Variants in EHMT1 observed in about 807,000 individuals in gnomAD.
The protein encoded by EHMT1 is euchromatic histone lysine methyltransferase 1, also known as histone-lysine N-methyltransferase EHMT1.
EHMT1 carries 15 observed loss-of-function variants against 147.2 expected under a neutral mutation model. The observed-to-expected ratio is 0.10, with a 90% confidence interval of 0.07 to 0.16. The LOEUF (loss-of-function observed/expected upper bound fraction) is 0.16, where lower values mean the gene tolerates loss of function less well. Among genes scored for constraint, EHMT1 ranks in the 10% least tolerant of loss-of-function variants. The probability of loss-of-function intolerance (pLI) is 1.00; values close to 1 mark genes in which losing one functional copy is unlikely to be tolerated. For synonymous variants in EHMT1, 795 were observed against 709.6 expected, an observed-to-expected ratio of 1.12 and a Z score of -1.91; for missense variants, 1,587 against 1,772.4, an observed-to-expected ratio of 0.90 and a Z score of 1.88.
chr9:137,709,232 G>C (rs779000022), intron 1 of EHMT1, among the ~76,000 whole-genome samples: 1 of 152,146 alleles, frequency 6.6e-6, no homozygotes, highest in African/African-American at 2.4e-5. Flanking sequence ...GAGAGCTCCT[G>C]TTGGGGGGTA....
intron 5 of EHMT1, 53 bp downstream of exon 5, chr9:137,743,581 T>G (rs1444096195): frequency 1.9e-6 from 3 of 1,612,650 alleles, no homozygotes; most frequent in Non-Finnish European, 2.5e-6. Flanking sequence ...TGCGTTTCTG[T>G]GTTCAGGGCC....
chr9:137,788,452 C>T (rs149063731), intron 15 of EHMT1: 3 of 185,228 alleles, frequency 1.6e-5, no homozygotes, highest in Non-Finnish European at 2.2e-5. Flanking sequence ...AGGTTGCAGG[C>T]GTACGGAGGT....
At chr9:137,668,962 C>T (rs1434553764) in intron 1 of EHMT1, among the ~76,000 whole-genome samples, 2 of 152,188 alleles carry the variant, frequency 1.3e-5, no homozygotes, top group South Asian at 2.1e-4. Context: ...TCTCAGCTCA[C>T]TGCAAGCTCC....
At chr9:137,796,703 C>CAAAAAAAAAAAAAAA (rs11449759) in intron 16 of EHMT1, among the ~76,000 whole-genome samples, 21 of 85,792 alleles carry the variant, frequency 2.4e-4, no homozygotes, top group Admixed American at 3.4e-4. Context: ...GACTCCATCT[C>CAAAAAAAAAAAAAAA]AAAAAAAAAA....
chr9:137,739,355 CAAAA>C (rs58376791), intron 4 of EHMT1, among the ~76,000 whole-genome samples: 2 of 94,510 alleles, frequency 2.1e-5, no homozygotes, highest in East Asian at 3.6e-4. Flanking sequence ...GACTCAGTCT[CAAAA>C]AAAAAAAAAA....
At chr9:137,681,851 G>C (rs1941972251) in intron 1 of EHMT1, among the ~76,000 whole-genome samples, 1 of 152,176 alleles carries the variant, frequency 6.6e-6, no homozygotes, top group Admixed American at 6.5e-5. Context: ...TCATTCCCTG[G>C]AAAGTTTGCA....
chr9:137,826,357 G>C (rs72766967), intron 25 of EHMT1, among the ~76,000 whole-genome samples: 7,365 of 152,274 alleles, frequency 0.048, 227 homozygotes, highest in South Asian at 0.13. Context: ...CCTGCTTGAA[G>C]AAGATGCACT....
intron 6 of EHMT1, chr9:137,746,012 T>G (rs1263542211): frequency 6.5e-6 from 1 of 154,642 alleles, no homozygotes; most frequent in Non-Finnish European, 1.4e-5. Context: ...GGATTTTGCA[T>G]CTTTTGAATG....
intron 4 of EHMT1, chr9:137,743,144 A>C: frequency 1.9e-6 from 1 of 530,974 alleles, no homozygotes; most frequent in Non-Finnish European, 3.3e-6. Flanking sequence ...TGAATGGAAC[A>C]GATGAACAGA....
intron 1 of EHMT1, 28 bp downstream of exon 1, chr9:137,619,077 CGCGGGGGCG>C: frequency 1.3e-6 from 1 of 797,082 alleles, no homozygotes; most frequent in South Asian, 5.4e-5. Context: ...CGGGGGGCGG[CGCGGGGGCG>C]GCGGGCAGCG....
Position 137,813,442 on chromosome 9 carries a change from G to A in EHMT1, c.3092G>A (p.Ser1031Asn). The A allele has an allele frequency of 6.2e-7, 1 of 1,613,870 alleles. No individual in the cohort carries two copies. Among genetic ancestry groups the A allele is most frequent in the Middle Eastern group, 1.6e-4 (1 of 6,062 alleles). ...ATCCCCTGTGTCAACGCCGTGGACA[G>A]CGAGCCATGCCCCAGCAACTACAAG... ...IPIPCVNAVD[S>N]EPCPSNYKYV... Residue 1031 changes from serine (S) to asparagine (N), a missense_variant, in exon 21 of 27, where the codon AGC becomes AAC. By Grantham distance (46) the Ser-to-Asn change is conservative. Coordinates refer to ENST00000460843, the MANE Select transcript of EHMT1 (RefSeq NM_024757.5). This position sits in a 1 kb window ranked among gnomAD's most constrained non-coding sequence, Gnocchi z 4.9.
At chr9:137,802,529 T>C (rs1022732812) in intron 18 of EHMT1, 3 of 398,510 alleles carry the variant, frequency 7.5e-6, no homozygotes, top group Non-Finnish European at 1.3e-5. Flanking sequence ...AAATCTCCAA[T>C]GTGCTGAAGT....
intron 1 of EHMT1, among the ~76,000 whole-genome samples, chr9:137,670,435 C>T (rs1049860801): frequency 2.6e-5 from 4 of 152,126 alleles, no homozygotes; most frequent in African/African-American, 9.7e-5. Context: ...CCTTGCTATC[C>T]TGCCCCCTCC....
intron 1 of EHMT1, chr9:137,641,416 T>G (rs1844474891): frequency 1.9e-6 from 1 of 535,642 alleles, no homozygotes; most frequent in East Asian, 5.0e-5. Flanking sequence ...TCAAATTCTG[T>G]CACTTCAGCA....
chr9:137,797,517 T>G (rs1453879827), intron 16 of EHMT1, among the ~76,000 whole-genome samples: 1 of 152,222 alleles, frequency 6.6e-6, no homozygotes, highest in Non-Finnish European at 1.5e-5. Flanking sequence ...TGTGACAGTC[T>G]GCCAGCAGTT....
chr9:137,762,488 C>T (rs939068769), intron 9 of EHMT1, among the ~76,000 whole-genome samples, 187 bp from the exon 10 acceptor site: 1 of 152,192 alleles, frequency 6.6e-6, no homozygotes, highest in Non-Finnish European at 1.5e-5. Context: ...AGGCACAGGC[C>T]ACCCCTTCAT....
chr9:137,765,827 T>C (rs902022917), intron 10 of EHMT1, among the ~76,000 whole-genome samples: 14 of 152,094 alleles, frequency 9.2e-5, no homozygotes, highest in African/African-American at 3.4e-4. Context: ...GTCCTTCAAT[T>C]TCTATATTGT....
rs556679899 is a variant in EHMT1, at chr9:137,627,659, C to T, written c.21+8610C>T. 3.5e-4 allele frequency among the ~76,000 whole-genome samples: 53 copies of T among 151,762 alleles called. 3 individuals carry two copies. In the South Asian group the frequency reaches 0.01, roughly 30 times the overall value. Reference sequence around the variant, plus strand: ...AGGTTCTGTCTGCTGGTTTGGTTTTCTTGAAGGATCCCTCAATTTCTTGCC... The same window carrying T: ...AGGTTCTGTCTGCTGGTTTGGTTTTTTTGAAGGATCCCTCAATTTCTTGCC... On this transcript the variant is annotated intron_variant, in intron 1 of 26. Transcript: ENST00000460843.
At chr9:137,737,758 G>T (rs1947667170) in intron 4 of EHMT1, among the ~76,000 whole-genome samples, 1 of 152,124 alleles carries the variant, frequency 6.6e-6, no homozygotes, top group Non-Finnish European at 1.5e-5. Context: ...TAGTCGTAAA[G>T]AAAAGACACT....
Sources: gnomAD v4.1 joint callset for allele counts (sites outside exome capture counted in the v4.1 genomes callset) on GRCh38, gnomAD v4.1.1 for gene constraint, Gnocchi (gnomAD v3.1) non-coding constraint, MANE v1.5 for transcripts, NCBI Gene and HGNC (gene_info 2026-07-23, HGNC 2026-07-21) for gene names.